The following TBC1D10A variants were observed in gnomAD, a reference collection of about 807,000 sequenced individuals.
The protein encoded by TBC1D10A is EBP50-PDX interactor of 64 kDa.
Under a neutral mutation model 52.9 loss-of-function variants are expected in TBC1D10A, and 24 were observed. That is an observed-to-expected ratio of 0.45 (90% CI 0.33 to 0.64). The LOEUF (loss-of-function observed/expected upper bound fraction) is 0.64. Among genes scored for constraint, TBC1D10A ranks in the 30% least tolerant of loss-of-function variants. The pLI, the probability that TBC1D10A is intolerant of heterozygous loss-of-function variation, is 0.02. For missense variants in TBC1D10A, 602 were observed against 687.9 expected (o/e 0.88, Z 1.40); for synonymous variants, 278 against 282.9 (o/e 0.98, Z 0.17).
intron 4 of TBC1D10A, 100 bp from the exon 5 acceptor site, chr22:30,295,155 C>T (rs1457585845): frequency 1.7e-6 from 2 of 1,191,184 alleles, no homozygotes; most frequent in East Asian, 2.5e-5. Context: ...GAATCTGCCC[C>T]TCCCTTGAGA....
intron 1 of TBC1D10A, among the ~76,000 whole-genome samples, chr22:30,309,293 G>A (rs1312742713): frequency 6.6e-6 from 1 of 151,698 alleles, no homozygotes; most frequent in Non-Finnish European, 1.5e-5. Flanking sequence ...CTGGAGTGCA[G>A]TGGCATGATC....
chr22:30,323,237 G>A (rs9608881), intron 1 of TBC1D10A, among the ~76,000 whole-genome samples: 2 of 152,060 alleles, frequency 1.3e-5, no homozygotes, highest in East Asian at 1.9e-4. Context: ...ATGTCTCCCC[G>A]CAAATAAGTA....
intron 1 of TBC1D10A, among the ~76,000 whole-genome samples, chr22:30,317,300 C>T (rs1477310926): frequency 2.6e-5 from 4 of 152,004 alleles, no homozygotes; most frequent in Non-Finnish European, 5.9e-5. Context: ...CCCAGCTACT[C>T]GGGAGGCTGA....
rs1011121506 is a variant in TBC1D10A, at chr22:30,295,748, C to A, written c.513G>T (p.Arg171=). The A allele has an allele frequency of 6.2e-7, 1 of 1,614,022 alleles. No individual in the cohort carries two copies. The highest frequency in any genetic ancestry group is 1.1e-5 in the South Asian group (1 of 91,084). ...CCCAGCCTGCTCACCCGTGGCCCCC[C>A]CGGGACACAAACATCTCATGGAATG... ...QFPFHEMFVS[R]GGHGQQDLFR... The change falls in exon 4 of 9, where the codon CGG becomes CGT. Residue 171 remains arginine (R), a synonymous_variant. Coordinates refer to ENST00000215790, the MANE Select transcript of TBC1D10A (RefSeq NM_031937.3).
intron 4 of TBC1D10A, 35 bp from the exon 5 acceptor site, chr22:30,295,090 G>A: frequency 1.2e-6 from 2 of 1,605,062 alleles, no homozygotes; most frequent in Non-Finnish European, 1.7e-6. Context: ...TGATGACCGG[G>A]GTGACTCTGC....
chr22:30,299,325 T>C, intron 3 of TBC1D10A, 119 bp downstream of exon 3: 1 of 1,009,372 alleles, frequency 9.9e-7, no homozygotes, highest in Non-Finnish European at 1.5e-6. Context: ...GGCACATGAC[T>C]GGAGGTTTCA....
At position 30,313,433 on chromosome 22, in the gene TBC1D10A, G is replaced by A. The variant is rs1930469070; in HGVS notation, c.210-8803C>T. On this transcript the variant is annotated intron_variant, in intron 1 of 8. Transcript: ENST00000215790. ...GAGTCTTGCTCTGTCGCCCAGGCTG[G>A]AGTGCAGTGGCGCAATCTCGACTCA... 2.0e-5 allele frequency among the ~76,000 whole-genome samples: 3 copies of A among 151,484 alleles called. No homozygotes were observed. In the South Asian group the frequency reaches 6.3e-4, roughly 32 times the overall value.
intron 1 of TBC1D10A, among the ~76,000 whole-genome samples, chr22:30,317,805 C>G (rs1028317019): frequency 6.6e-6 from 1 of 152,164 alleles, no homozygotes; most frequent in Non-Finnish European, 1.5e-5. Context: ...CTATGTTGAC[C>G]AGACTGGTTG....
At position 30,304,536 on chromosome 22, in the gene TBC1D10A, T is replaced by G. The variant is rs765679285; in HGVS notation, c.304A>C (p.Lys102Gln). ...NWDKWMAKKHKKIRLRCQKGI... is the reference protein window; with the variant it reads ...NWDKWMAKKHQKIRLRCQKGI... Reference sequence around the variant, plus strand: ...CCTGAGGCCAGGCCCCTCACCTTTTTGTGCTTCTTGGCCATCCATTTGTCC... The same window carrying G: ...CCTGAGGCCAGGCCCCTCACCTTTTGGTGCTTCTTGGCCATCCATTTGTCC... The change falls in exon 2 of 9, where the codon AAA becomes CAA. Residue 102 changes from lysine (K) to glutamine (Q), a missense_variant. Around this residue, in one of 3 missense-constraint regions of TBC1D10A, gnomAD observed 201 missense variants for 204.4 expected, o/e 0.98. Transcript: ENST00000215790. 4 of 1,614,018 alleles carry G rather than the reference T, an allele frequency of 2.5e-6. No individual in the cohort carries two copies. In the Admixed American group the frequency reaches 6.7e-5, roughly 27 times the overall value.
chr22:30,301,067 C>T (rs967329479), intron 2 of TBC1D10A, among the ~76,000 whole-genome samples: 1 of 152,178 alleles, frequency 6.6e-6, no homozygotes, highest in South Asian at 2.1e-4. Flanking sequence ...ATCACACAAG[C>T]AGAGTGGGGG....
intron 1 of TBC1D10A, among the ~76,000 whole-genome samples, chr22:30,326,378 T>C (rs1466937778): frequency 6.6e-6 from 1 of 151,604 alleles, no homozygotes; most frequent in Non-Finnish European, 1.5e-5. Flanking sequence ...GTCATTCTGT[T>C]CCACGGCTGG....
chr22:30,309,424 C>A lies in TBC1D10A; in HGVS notation c.210-4794G>T, dbSNP rs550195351. On this transcript the variant is annotated intron_variant, in intron 1 of 8. Transcript: ENST00000215790. ...TATTTTTAGTAGAGACGGGGTTTCA[C>A]CATGTTGGCCAGGATGGTCTCAATC... 1.6e-4 allele frequency among the ~76,000 whole-genome samples: 25 copies of A among 152,272 alleles called. No individual in the cohort carries two copies. In the South Asian group the frequency reaches 3.9e-3, roughly 24 times the overall value.
At chr22:30,316,600 G>A (rs1417704782) in intron 1 of TBC1D10A, among the ~76,000 whole-genome samples, 4 of 151,994 alleles carry the variant, frequency 2.6e-5, no homozygotes, top group African/African-American at 4.8e-5. Flanking sequence ...CAACAGGTGC[G>A]CACCACTATG....
intron 1 of TBC1D10A, among the ~76,000 whole-genome samples, chr22:30,316,733 C>T (rs1930545098): frequency 6.6e-6 from 1 of 152,174 alleles, no homozygotes; most frequent in South Asian, 2.1e-4. Flanking sequence ...GTCTTCAACA[C>T]CATCCCACTA....
Position 30,293,674 on chromosome 22 carries a change from G to C in TBC1D10A, c.1027C>G (p.Gln343Glu). 1 of 1,610,530 alleles carries C rather than the reference G, an allele frequency of 6.2e-7. No homozygotes were observed. The highest frequency in any genetic ancestry group is 8.5e-7 in the Non-Finnish European group (1 of 1,177,362). ...ACCTCCTGGACCAGAAAGGCCTCCT[G>C]CATGATCTTGGGGCTGAGGCTCCGC... Reference protein sequence around the residue: ...RLRSLSPKIMQEAFLVQEVVE... With the variant: ...RLRSLSPKIMEEAFLVQEVVE... Residue 343 changes from glutamine to glutamate, a missense_variant, in exon 8 of 9, where the codon CAG becomes GAG. By Grantham distance (29) the Gln-to-Glu change is conservative (BLOSUM62 2). Coordinates refer to ENST00000215790, the MANE Select transcript of TBC1D10A (RefSeq NM_031937.3).
At chr22:30,323,993 T>A (rs779089999) in intron 1 of TBC1D10A, among the ~76,000 whole-genome samples, 1 of 151,986 alleles carries the variant, frequency 6.6e-6, no homozygotes, top group Non-Finnish European at 1.5e-5. Flanking sequence ...TCCCTTACAG[T>A]GCAGTCTATG....
At position 30,293,760 on chromosome 22, in the gene TBC1D10A, G is replaced by A. The variant is rs139812230; in HGVS notation, c.941C>T (p.Ala314Val). The change falls in exon 8 of 9, where the codon GCG becomes GTG. Residue 314 changes from alanine (A) to valine (V), a missense_variant. By Grantham distance (64) the Ala-to-Val change is moderately conservative (BLOSUM62 0). Transcript: ENST00000215790. ...FRVGLVLLKH[A>V]LGSPEKVKAC... is the part of the protein sequence containing the mutation. ...TTTGACCTTCTCAGGGGAGCCCAGC[G>A]CGTGCTTCAGCAGCACCAGCCCCAC... The A allele has an allele frequency of 3.5e-4, 565 of 1,612,758 alleles. 14 individuals are homozygous for A. In the East Asian group the frequency reaches 0.011, roughly 30 times the overall value.
Position 30,313,470 on chromosome 22 carries a change from G to A in TBC1D10A, c.210-8840C>T, listed in dbSNP as rs535935689. On this transcript the variant is annotated intron_variant, in intron 1 of 8. Coordinates refer to ENST00000215790, the MANE Select transcript of TBC1D10A (RefSeq NM_031937.3). ...GCAATCTCGACTCACTGCAACCTCC[G>A]CCTCCCGGGTTCAAGCTATTCTCCT... Among the ~76,000 whole-genome samples, 16 of 149,178 alleles carry A rather than the reference G, an allele frequency of 1.1e-4. No homozygotes were observed. In the East Asian group the frequency reaches 1.4e-3, roughly 13 times the overall value.
chr22:30,325,810 G>A (rs1021604259), intron 1 of TBC1D10A, among the ~76,000 whole-genome samples: 4 of 152,136 alleles, frequency 2.6e-5, no homozygotes, highest in Admixed American at 6.5e-5. Context: ...GCCTGCCCCC[G>A]TCCCACGCCC....
Sources: allele counts gnomAD v4.1 joint callset (sites outside exome capture counted in the v4.1 genomes callset), GRCh38; gene constraint gnomAD v4.1.1; regional missense constraint gnomAD v4.1.1; transcripts MANE v1.5; gene names NCBI Gene and HGNC (gene_info 2026-07-23, HGNC 2026-07-21).